The following CACNA2D1 variants were observed in gnomAD, a reference collection of about 807,000 sequenced individuals.
CACNA2D1 encodes the protein voltage-dependent calcium channel subunit alpha-2/delta-1.
CACNA2D1 carries 53 observed loss-of-function variants against 171.5 expected under a neutral mutation model. The observed-to-expected ratio is 0.31, with a 90% CI of 0.25 to 0.39. The LOEUF (loss-of-function observed/expected upper bound fraction) is 0.39, where lower values mean the gene tolerates loss of function less well. Among genes scored for constraint, CACNA2D1 ranks in the 10% least tolerant of loss-of-function variants. The pLI is 1.00. For synonymous variants in CACNA2D1, 442 were observed against 443.1 expected (o/e 1.00, Z 0.03); for missense variants, 903 against 1,299.8 (o/e 0.69, Z 4.69).
intron 1 of CACNA2D1, among the ~76,000 whole-genome samples, chr7:82,441,717 A>G (rs1366283331): frequency 1.3e-5 from 2 of 152,182 alleles, no homozygotes; most frequent in Non-Finnish European, 2.9e-5. Flanking sequence ...AATATTGATA[A>G]ATTGTCAGTT....
chr7:81,952,716 T>C (rs568867774), intron 38 of CACNA2D1, among the ~76,000 whole-genome samples: 171 of 152,222 alleles, frequency 1.1e-3, no homozygotes, highest in African/African-American at 3.9e-3. Flanking sequence ...TTCTCTCTCC[T>C]TTCTTCTTCT....
intron 7 of CACNA2D1, among the ~76,000 whole-genome samples, chr7:82,075,626 CTA>C (rs1444560896): frequency 6.6e-6 from 1 of 152,074 alleles, no homozygotes; most frequent in Non-Finnish European, 1.5e-5. Context: ...ATAAAACAAA[CTA>C]TGATTCTACA....
At chr7:82,114,733 G>T (rs1788833257) in intron 6 of CACNA2D1, among the ~76,000 whole-genome samples, 2 of 148,752 alleles carry the variant, frequency 1.3e-5, no homozygotes, top group African/African-American at 5.0e-5. Context: ...TTCAGCCTGG[G>T]CAAGGGAGTG....
At chr7:82,029,020 C>CA (rs1802307220) in intron 12 of CACNA2D1, 1 of 151,744 alleles carries the variant, frequency 6.6e-6, no homozygotes, top group Admixed American at 6.6e-5. Flanking sequence ...AAAATGCTAT[C>CA]AAATAGCACT....
intron 3 of CACNA2D1, among the ~76,000 whole-genome samples, chr7:82,189,152 G>A (rs1349632443): frequency 6.6e-6 from 1 of 151,966 alleles, no homozygotes; most frequent in Non-Finnish European, 1.5e-5. Context: ...ACCTGCACAT[G>A]TACCCTTGAA....
intron 24 of CACNA2D1, among the ~76,000 whole-genome samples, chr7:81,980,583 T>C (rs1016389839): frequency 2.8e-5 from 4 of 140,910 alleles, no homozygotes; most frequent in African/African-American, 8.2e-5. Flanking sequence ...ATTTAGCAGA[T>C]GAGAAATATG....
At chr7:82,318,126 T>C (rs944282401) in intron 3 of CACNA2D1, among the ~76,000 whole-genome samples, 6 of 152,134 alleles carry the variant, frequency 3.9e-5, no homozygotes, top group Non-Finnish European at 7.4e-5. Flanking sequence ...TACTTCACTT[T>C]TCAATTGCCT....
intron 3 of CACNA2D1, among the ~76,000 whole-genome samples, chr7:82,317,519 G>A (rs923147022): frequency 6.6e-6 from 1 of 152,138 alleles, no homozygotes; most frequent in Non-Finnish European, 1.5e-5. Context: ...AAATACTTAA[G>A]GAGGAGCAGC....
At chr7:82,417,802 A>G (rs148549923) in intron 1 of CACNA2D1, among the ~76,000 whole-genome samples, 134 of 152,326 alleles carry the variant, frequency 8.8e-4, no homozygotes, top group African/African-American at 3.1e-3. Context: ...ATAAATATTG[A>G]GTACCTATAA....
chr7:82,274,849 G>A (rs1809109811), intron 3 of CACNA2D1, among the ~76,000 whole-genome samples: 1 of 101,112 alleles, frequency 9.9e-6, no homozygotes, highest in African/African-American at 4.3e-5. Context: ...GTTCAATACA[G>A]GTATTTATGA....
At chr7:82,421,119 T>C (rs865957861) in intron 1 of CACNA2D1, among the ~76,000 whole-genome samples, 2 of 152,178 alleles carry the variant, frequency 1.3e-5, no homozygotes, top group African/African-American at 4.8e-5. Context: ...GCACCACTGA[T>C]CTCTATTTAA....
chr7:82,314,027 A>T (rs932463184), intron 3 of CACNA2D1, among the ~76,000 whole-genome samples: 1 of 152,138 alleles, frequency 6.6e-6, no homozygotes, highest in Admixed American at 6.6e-5. Context: ...ACATATATCC[A>T]GTGCTTCTCT....
chr7:82,331,110 G>A (rs1817253182), intron 3 of CACNA2D1, among the ~76,000 whole-genome samples: 1 of 151,878 alleles, frequency 6.6e-6, no homozygotes, highest in Admixed American at 6.6e-5. Context: ...TATTTCCTTG[G>A]GCAAGTTTCA....
chr7:82,082,315 G>A (rs117176971), intron 7 of CACNA2D1, among the ~76,000 whole-genome samples: 1,677 of 152,208 alleles, frequency 0.011, 11 homozygotes, highest in Admixed American at 0.016. Context: ...GAAGGGTGGG[G>A]AGAGCAGAGA....
chr7:82,408,849 T>A (rs906530607), intron 1 of CACNA2D1, among the ~76,000 whole-genome samples: 7 of 152,284 alleles, frequency 4.6e-5, no homozygotes, highest in South Asian at 4.1e-4. Flanking sequence ...AAATTTTATG[T>A]ACACAGAGAA....
chr7:82,372,026 A>C (rs1276567810), intron 1 of CACNA2D1, among the ~76,000 whole-genome samples: 2 of 152,194 alleles, frequency 1.3e-5, no homozygotes, highest in Admixed American at 6.5e-5. Context: ...TCTTTAAAAG[A>C]CTATAGGCCT....
chr7:82,105,546 C>G (rs1044868542), intron 6 of CACNA2D1, among the ~76,000 whole-genome samples: 4 of 151,510 alleles, frequency 2.6e-5, no homozygotes, highest in Admixed American at 6.6e-5. Flanking sequence ...AATAGAGGAG[C>G]CATTTTGAGT....
intron 3 of CACNA2D1, among the ~76,000 whole-genome samples, chr7:82,320,856 A>T (rs1285136670): frequency 6.8e-6 from 1 of 148,078 alleles, no homozygotes; most frequent in Non-Finnish European, 1.5e-5. Flanking sequence ...AGTAGGAGAT[A>T]GCTAAATAAA....
At chr7:82,138,287 A>C (rs1791917947) in intron 4 of CACNA2D1, among the ~76,000 whole-genome samples, 1 of 152,182 alleles carries the variant, frequency 6.6e-6, no homozygotes, top group East Asian at 1.9e-4. Flanking sequence ...ATCATAATAG[A>C]GACTGAAACC....
Sources: gnomAD v4.1 joint callset for allele counts (sites outside exome capture counted in the v4.1 genomes callset) on GRCh38, gnomAD v4.1.1 for gene constraint, MANE v1.5 for transcripts, NCBI Gene and HGNC (gene_info 2026-07-23, HGNC 2026-07-21) for gene names.